ATP8B3: variants seen among roughly 807,000 people sequenced by gnomAD.
ATP8B3 encodes the protein phospholipid-transporting ATPase IK.
In ATP8B3, 141 loss-of-function variants were observed where a neutral mutation model predicts 140.9. The ratio of observed to expected loss-of-function variants is 1.00; its 90% CI spans 0.87 to 1.15. The LOEUF (loss-of-function observed/expected upper bound fraction) is 1.15. Among genes scored for constraint, ATP8B3 ranks in the 50% most tolerant of loss-of-function variants. The pLI is 0.00. For missense variants in ATP8B3, 1,874 were observed against 1,740.6 expected, an observed-to-expected ratio of 1.08 and a Z score of -1.36; for synonymous variants, 765 against 714.6, an observed-to-expected ratio of 1.07 and a Z score of -1.13.
Position 1,807,680 on chromosome 19 carries a change from T to C in ATP8B3, c.517-414A>G, listed in dbSNP as rs560942701. On this transcript the variant is annotated intron_variant, in intron 5 of 28. Transcript: ENST00000310127. This position sits in a 1 kb window ranked among gnomAD's most constrained non-coding sequence, Gnocchi z 5.9. ...CGGCCTGCACACAGTAGGTACTCCA[T>C]TAATGCTGAATGACTCGATGGATGA... Among the ~76,000 whole-genome samples the C allele has an allele frequency of 1.3e-5, 2 of 152,126 alleles. No individual in the cohort carries two copies. Among genetic ancestry groups the C allele is most frequent in the African/African-American group, 4.8e-5 (2 of 41,460 alleles).
chr19:1,784,730 A>G, intron 28 of ATP8B3, 89 bp downstream of exon 28: 4 of 1,441,496 alleles, frequency 2.8e-6, no homozygotes, highest in Non-Finnish European at 3.7e-6. Context: ...AGGGGCCGGG[A>G]CACCTTGCAG....
chr19:1,799,583 T>A (rs1215843579), intron 14 of ATP8B3: 2 of 450,098 alleles, frequency 4.4e-6, no homozygotes, highest in Non-Finnish European at 7.8e-6. Context: ...ATGGCCAACA[T>A]GGTGAAACCC....
intron 26 of ATP8B3, 60 bp from the exon 27 acceptor site, chr19:1,785,357 C>T (rs2068271491): frequency 1.3e-6 from 2 of 1,550,462 alleles, no homozygotes; most frequent in African/African-American, 1.4e-5. Flanking sequence ...AGGACACCAG[C>T]CCCTGGGGTC....
Position 1,789,910 on chromosome 19 carries a change from C to G in ATP8B3, c.2458G>C (p.Val820Leu), listed in dbSNP as rs1277835849. The G allele has an allele frequency of 3.7e-6, 6 of 1,611,904 alleles. No individual in the cohort carries two copies. Among genetic ancestry groups the G allele is most frequent in the Non-Finnish European group, 5.1e-6 (6 of 1,179,454 alleles). ...ESLSQVKLAL[V>L]INGDFLDKLL... ...CTGACCAGGAAGTCTCCGTTAATGA[C>G]CAAGGCCAGCTTGACCTGCGACAGG... The change falls in exon 22 of 29, where the codon GTC (valine) becomes CTC (leucine). Residue 820 changes from valine to leucine, a missense_variant. By Grantham distance (32) the Val-to-Leu change is conservative (BLOSUM62 1). Transcript: ENST00000310127.
intron 25 of ATP8B3, 128 bp from the exon 26 acceptor site, chr19:1,785,836 T>TA (rs1281048849): frequency 2.8e-6 from 3 of 1,054,344 alleles, no homozygotes; most frequent in Non-Finnish European, 4.0e-6. Context: ...TTAAGTGAGT[T>TA]AAAATAAAGT....
chr19:1,785,741 G>A lies in ATP8B3; in HGVS notation c.3154-33C>T, dbSNP rs776502936. The A allele has an allele frequency of 2.5e-5, 32 of 1,292,280 alleles. 1 individual carries two copies. Among genetic ancestry groups the A allele is most frequent in the Middle Eastern group, 3.8e-4 (2 of 5,236 alleles). The allele number at this position is 1,292,280 out of a possible 1,614,324, so 80.1% of individuals were successfully genotyped here. On this transcript the variant is annotated intron_variant, in intron 25 of 28. Coordinates refer to ENST00000310127, the MANE Select transcript of ATP8B3 (RefSeq NM_138813.4). Reference sequence around the variant, plus strand: ...CAAGCAGAAGCTCTTGGGATTGGGTGGGGGGCGGGGGACACCCAACAGAGA... The same window carrying A: ...CAAGCAGAAGCTCTTGGGATTGGGTAGGGGGCGGGGGACACCCAACAGAGA...
At chr19:1,796,569 G>C (rs990568078) in intron 16 of ATP8B3, 142 bp downstream of exon 16, 12 of 1,124,940 alleles carry the variant, frequency 1.1e-5, no homozygotes, top group Middle Eastern at 3.0e-4. Context: ...CCCTCGAGGT[G>C]CGGCTGGTGT....
intron 2 of ATP8B3, among the ~76,000 whole-genome samples, chr19:1,811,226 C>G (rs979171900): frequency 1.3e-5 from 2 of 152,238 alleles, no homozygotes; most frequent in African/African-American, 4.8e-5. Context: ...CTCACCCCCC[C>G]AGGCTGGGCA....
intron 16 of ATP8B3, 52 bp from the exon 17 acceptor site, chr19:1,796,317 C>T: frequency 6.8e-7 from 1 of 1,480,832 alleles, no homozygotes; most frequent in Non-Finnish European, 9.2e-7. Context: ...CCGTCTCCAT[C>T]TCCACAGTGC....
intron 18 of ATP8B3, among the ~76,000 whole-genome samples, chr19:1,795,184 G>A (rs913254078): frequency 2.6e-5 from 4 of 152,166 alleles, no homozygotes; most frequent in African/African-American, 9.7e-5. Flanking sequence ...AAGCCTGGGA[G>A]GCAGAGGTTG....
chr19:1,791,835 G>A lies in ATP8B3; in HGVS notation c.2217C>T (p.Asp739=). 1.9e-6 allele frequency: 3 copies of A among 1,611,432 alleles called. No individual in the cohort carries two copies. Among genetic ancestry groups the A allele is most frequent in the Non-Finnish European group, 1.7e-6 (2 of 1,179,802 alleles). ...TTTCAGGGACACCGTCCTGGAGTCT[G>A]TCCTCGATGGCTGTGGCTCCCAGCA... is the stretch of plus-strand genomic sequence containing the variant. ...QQLLGATAIE[D]RLQDGVPETI... The change falls in exon 20 of 29, where the codon GAC becomes GAT. Residue 739 remains aspartate (D), a synonymous_variant. Transcript: ENST00000310127.
rs761560895 is a variant in ATP8B3 at position 1,810,626 on chromosome 19, G to A, written c.306C>T (p.Asn102=). 1 of 1,612,982 alleles carries A rather than the reference G, an allele frequency of 6.2e-7. No individual in the cohort carries two copies. Among genetic ancestry groups the A allele is most frequent in the South Asian group, 1.1e-5 (1 of 90,926 alleles). ...QREDLQDEDR[N]SAFTWKVQAN... is the part of the protein sequence containing the mutation. ...CCCTCTGCCCAGGATCAGCACCTGA[G>A]TTCCTGTCCTCATCTTGGAGATCTT... Residue 102 remains asparagine (N), a synonymous_variant, in exon 3 of 29, where the codon AAC becomes AAT. Coordinates refer to ENST00000310127, the MANE Select transcript of ATP8B3 (RefSeq NM_138813.4).
At chr19:1,799,019 T>TGTAGTACTACTTCCCAAGTA (rs1240150400) in intron 14 of ATP8B3, 1 of 151,850 alleles carries the variant, frequency 6.6e-6, no homozygotes, top group Non-Finnish European at 1.5e-5. Flanking sequence ...GGCACTCTCC[T>TGTAGTACTACTTCCCAAGTA]GTAGTCCCGG....
At chr19:1,803,985 C>T (rs2068934587) in intron 10 of ATP8B3, among the ~76,000 whole-genome samples, 1 of 151,734 alleles carries the variant, frequency 6.6e-6, no homozygotes, top group African/African-American at 2.4e-5. Context: ...CCCCCTCCAC[C>T]AGGGCTAAGC....
chr19:1,789,904 T>C lies in ATP8B3; in HGVS notation c.2464A>G (p.Asn822Asp). The change falls in exon 22 of 29, where the codon AAC becomes GAC. Residue 822 changes from asparagine (N) to aspartate (D), a missense_variant. Asn to Asp is a conservative substitution (Grantham distance 23). Transcript: ENST00000310127. Reference protein sequence around the residue: ...LSQVKLALVINGDFLDKLLVS... With the variant: ...LSQVKLALVIDGDFLDKLLVS... The stretch of plus-strand genomic sequence containing the variant: ...GCGACACTGACCAGGAAGTCTCCGT[T>C]AATGACCAAGGCCAGCTTGACCTGC... 6.8e-6 allele frequency: 11 copies of C among 1,611,840 alleles called. No individual in the cohort carries two copies. The highest frequency in any genetic ancestry group is 9.3e-6 in the Non-Finnish European group (11 of 1,179,360).
At position 1,805,899 on chromosome 19, in the gene ATP8B3, C is replaced by T. The variant is rs2068997804; in HGVS notation, c.810G>A (p.Val270=). Residue 270 remains valine (V), a synonymous_variant, in exon 9 of 29, where the codon GTG becomes GTA. Transcript: ENST00000310127. The surrounding 1 kb of genome is among the most constrained non-coding windows in gnomAD (Gnocchi z 5.2). ...EPSSLCYVET[V]DIDGETNLKF... ...CCACAGCTCCTCACCCGTCAATGTC[C>T]ACCGTCTCCACATAGCACAGGCTGC... 1 of 1,612,940 alleles carries T rather than the reference C, an allele frequency of 6.2e-7. No individual in the cohort carries two copies. The highest frequency in any genetic ancestry group is 1.1e-5 in the South Asian group (1 of 91,086).
intron 18 of ATP8B3, among the ~76,000 whole-genome samples, chr19:1,795,292 C>T (rs1317214005): frequency 6.6e-6 from 1 of 151,538 alleles, no homozygotes; most frequent in Non-Finnish European, 1.5e-5. Flanking sequence ...TGGCTCATGT[C>T]TGTAATCCCA....
In ATP8B3 at chr19:1,789,910, C is replaced by T; in HGVS notation, c.2458G>A (p.Val820Ile). 2 of 1,612,012 alleles carry T rather than the reference C, an allele frequency of 1.2e-6. No individual in the cohort carries two copies. Among genetic ancestry groups the T allele is most frequent in the Non-Finnish European group, 1.7e-6 (2 of 1,179,444 alleles). ...ESLSQVKLAL[V>I]INGDFLDKLL... ...CTGACCAGGAAGTCTCCGTTAATGACCAAGGCCAGCTTGACCTGCGACAGG... is the reference window on the plus strand; with the variant it reads ...CTGACCAGGAAGTCTCCGTTAATGATCAAGGCCAGCTTGACCTGCGACAGG... Residue 820 changes from valine (V) to isoleucine (I), a missense_variant, in exon 22 of 29, where the codon GTC (valine) becomes ATC (isoleucine). Transcript: ENST00000310127.
intron 28 of ATP8B3, 30 bp downstream of exon 28, chr19:1,784,789 A>T (rs1365961124): frequency 6.4e-7 from 1 of 1,570,734 alleles, no homozygotes; most frequent in South Asian, 1.2e-5. Context: ...AATGTACCAG[A>T]TGAGGACCCC....
Sources: allele counts gnomAD v4.1 joint callset (sites outside exome capture counted in the v4.1 genomes callset), GRCh38; gene constraint gnomAD v4.1.1; non-coding constraint Gnocchi (gnomAD v3.1); transcripts MANE v1.5; gene names NCBI Gene and HGNC (gene_info 2026-07-23, HGNC 2026-07-21).